The following CFH variants were observed in gnomAD, a reference collection of about 807,000 sequenced individuals.
The protein encoded by CFH is complement factor H.
CFH carries 53 observed loss-of-function variants against 147.3 expected under a neutral mutation model. The observed-to-expected ratio is 0.36, with a 90% CI of 0.29 to 0.45. The LOEUF (loss-of-function observed/expected upper bound fraction) is 0.45. CFH is among the 20% of genes least tolerant of loss of function. CFH has a pLI of 1.00. For missense variants in CFH, 1,380 were observed against 1,498.0 expected (o/e 0.92, Z 1.30); for synonymous variants, 536 against 489.4 (o/e 1.10, Z -1.26).
At chr1:196,677,296 A>G in intron 4 of CFH, 180 bp from the exon 5 acceptor site, 1 of 591,788 alleles carries the variant, frequency 1.7e-6, no homozygotes, top group Non-Finnish European at 3.0e-6. Flanking sequence ...AGGAATAAAC[A>G]TTCCATTTGC....
intron 1 of CFH, among the ~76,000 whole-genome samples, chr1:196,669,728 G>C (rs936176264): frequency 1.3e-5 from 2 of 152,186 alleles, no homozygotes; most frequent in African/African-American, 2.4e-5. Flanking sequence ...CCTCTACTAG[G>C]GCAATGAGCA....
chr1:196,716,103 T>C (rs1668864771), intron 11 of CFH, among the ~76,000 whole-genome samples: 1 of 152,162 alleles, frequency 6.6e-6, no homozygotes, highest in African/African-American at 2.4e-5. Context: ...CTAATTTGTT[T>C]TTTTAATTTC....
At chr1:196,695,166 C>T (rs1220444315) in intron 9 of CFH, among the ~76,000 whole-genome samples, 6 of 152,102 alleles carry the variant, frequency 3.9e-5, no homozygotes, top group Admixed American at 3.3e-4. Flanking sequence ...TTTAATACAT[C>T]ATGAGTTAAT....
Position 196,652,089 on chromosome 1 carries a change from G to C in CFH, c.-29G>C. The stretch of plus-strand genomic sequence containing the variant: ...CTGGACGTTGTGAACAGAGTTAGCT[G>C]GTAAATGTCCTCTTAAAAGATCCAA... On this transcript the variant is annotated 5_prime_UTR_variant, in exon 1 of 22. Coordinates refer to ENST00000367429, the MANE Select transcript of CFH (RefSeq NM_000186.4). 1.3e-6 allele frequency: 2 copies of C among 1,513,136 alleles called. No homozygotes were observed. Among genetic ancestry groups the C allele is most frequent in the Non-Finnish European group, 1.8e-6 (2 of 1,088,240 alleles). 93.7% of individuals were successfully genotyped at this position (1,513,136 alleles called of 1,614,324 possible).
Position 196,664,593 on chromosome 1 carries a change from G to A in CFH, c.59-8385G>A, listed in dbSNP as rs543437771. 5.9e-5 allele frequency among the ~76,000 whole-genome samples: 9 copies of A among 152,240 alleles called. 1 individual carries two copies. Among genetic ancestry groups the A allele is most frequent in the East Asian group, 1.9e-4 (1 of 5,178 alleles). On this transcript the variant is annotated intron_variant, in intron 1 of 21. Transcript: ENST00000367429. ...AAATTTTATTTACAAAACAAGCAGC[G>A]ATTGGATTTGGCCCACAGGTTAGTT... is the stretch of plus-strand genomic sequence containing the variant.
intron 1 of CFH, among the ~76,000 whole-genome samples, chr1:196,669,583 C>T (rs1017007395): frequency 2.0e-5 from 3 of 152,182 alleles, no homozygotes; most frequent in Admixed American, 6.5e-5. Flanking sequence ...AAGCCCTAAG[C>T]CTTGGCAGCT....
intron 5 of CFH, 150 bp downstream of exon 5, chr1:196,677,817 T>C: frequency 2.8e-6 from 2 of 714,446 alleles, no homozygotes; most frequent in Non-Finnish European, 2.4e-6. Context: ...GCTAAGTTCT[T>C]TGCATGCATC....
chr1:196,738,179 C>T (rs1158911061), intron 17 of CFH, among the ~76,000 whole-genome samples: 1 of 152,196 alleles, frequency 6.6e-6, no homozygotes, highest in Non-Finnish European at 1.5e-5. Flanking sequence ...CTACTTCCTA[C>T]TGAGTCCCTC....
chr1:196,728,328 A>AT lies in CFH; in HGVS notation c.2237-18_2237-17insT, dbSNP rs1442404459. ...TTCCTATCATTTGAATTTTCATAAAAATATATTTATTTTATAGCAATAGAT... is the reference window on the plus strand; with the variant it reads ...TTCCTATCATTTGAATTTTCATAAAATATATATTTATTTTATAGCAATAGAT... On this transcript the variant is annotated splice_polypyrimidine_tract_variant and intron_variant, in intron 14 of 21. Coordinates refer to ENST00000367429, the MANE Select transcript of CFH (RefSeq NM_000186.4). 1 of 1,360,308 alleles carries AT rather than the reference A, an allele frequency of 7.4e-7. No individual in the cohort carries two copies. Among genetic ancestry groups the AT allele is most frequent in the Non-Finnish European group, 9.9e-7 (1 of 1,008,118 alleles). 84.3% of individuals were successfully genotyped at this position (1,360,308 alleles called of 1,614,324 possible).
chr1:196,741,226 C>A (rs1271048413), intron 18 of CFH: 2 of 199,132 alleles, frequency 1.0e-5, no homozygotes, highest in Admixed American at 1.1e-4. Flanking sequence ...TGTATTATTC[C>A]GTTTTCACAC....
chr1:196,684,263 T>C (rs1667749782), intron 6 of CFH, among the ~76,000 whole-genome samples: 1 of 152,018 alleles, frequency 6.6e-6, no homozygotes, highest in Non-Finnish European at 1.5e-5. Flanking sequence ...ATTACTTTTG[T>C]ACTATAATGG....
At chr1:196,658,676 T>G (rs1321236920) in intron 1 of CFH, among the ~76,000 whole-genome samples, 1 of 151,894 alleles carries the variant, frequency 6.6e-6, no homozygotes, top group Non-Finnish European at 1.5e-5. Context: ...CTGCCGGCCT[T>G]GGCCTCCCAA....
intron 6 of CFH, among the ~76,000 whole-genome samples, chr1:196,684,298 A>G (rs1040216412): frequency 3.9e-5 from 6 of 152,004 alleles, no homozygotes; most frequent in African/African-American, 9.7e-5. Flanking sequence ...TGCAGCAGAG[A>G]CATTTTATCT....
chr1:196,694,865 T>A (rs1668197319), intron 9 of CFH, among the ~76,000 whole-genome samples: 1 of 152,228 alleles, frequency 6.6e-6, no homozygotes, highest in African/African-American at 2.4e-5. Flanking sequence ...GTTTCTTTCT[T>A]ATAAATTTGT....
intron 9 of CFH, among the ~76,000 whole-genome samples, chr1:196,711,490 T>A (rs1668721944): frequency 6.6e-6 from 1 of 152,034 alleles, no homozygotes; most frequent in Non-Finnish European, 1.5e-5. Flanking sequence ...CTCCATTCTG[T>A]ATTTTGGCTA....
intron 11 of CFH, 97 bp from the exon 12 acceptor site, chr1:196,725,024 G>A: frequency 1.0e-6 from 1 of 982,084 alleles, no homozygotes; most frequent in Admixed American, 2.0e-5. Context: ...CCCTCTGTAT[G>A]ACCCAATATC....
At chr1:196,720,313 C>G (rs535719498) in intron 11 of CFH, among the ~76,000 whole-genome samples, 2 of 151,806 alleles carry the variant, frequency 1.3e-5, no homozygotes, top group African/African-American at 4.8e-5. Context: ...TTAGATGGTC[C>G]AAATGCAGTT....
intron 9 of CFH, among the ~76,000 whole-genome samples, chr1:196,707,793 T>C (rs1259495963): frequency 6.6e-6 from 1 of 152,194 alleles, no homozygotes; most frequent in Non-Finnish European, 1.5e-5. Context: ...ACAAAACATA[T>C]GTCTTCTTGA....
chr1:196,731,823 T>A (rs1428711503), intron 15 of CFH, among the ~76,000 whole-genome samples: 4 of 152,036 alleles, frequency 2.6e-5, no homozygotes, highest in Non-Finnish European at 5.9e-5. Context: ...TCCACTTCCT[T>A]ATGGCCTGCA....
Sources: allele counts gnomAD v4.1 joint callset (sites outside exome capture counted in the v4.1 genomes callset), GRCh38; gene constraint gnomAD v4.1.1; transcripts MANE v1.5; gene names NCBI Gene and HGNC (gene_info 2026-07-23, HGNC 2026-07-21).